QTMAN: variants seen among roughly 807,000 people sequenced by gnomAD.
QTMAN encodes queuosine-tRNA mannosyltransferase, also known as tRNA-queuosine alpha-mannosyltransferase.
the QTMAN span, among the ~76,000 whole-genome samples, chr2:144,266,729 AGCAATGATAACTCAG>A: frequency 1.3e-5 from 2 of 152,258 alleles, no homozygotes; most frequent in Non-Finnish European, 2.9e-5. Flanking sequence ...ACCCTTAACC[AGCAATGATAACTCAG>A]GCAAGTCACT....
At chr2:144,120,357 C>A in the QTMAN span, among the ~76,000 whole-genome samples, 1 of 152,112 alleles carries the variant, frequency 6.6e-6, no homozygotes, top group Non-Finnish European at 1.5e-5. Flanking sequence ...TCTGTATTAC[C>A]CTTTACTCTA....
chr2:144,082,050 G>A, the QTMAN span, among the ~76,000 whole-genome samples: 2 of 151,996 alleles, frequency 1.3e-5, no homozygotes, highest in Non-Finnish European at 2.9e-5. Context: ...ACCACACCTC[G>A]CTAATTTTTT....
the QTMAN span, among the ~76,000 whole-genome samples, chr2:144,021,159 A>C: frequency 2.0e-5 from 3 of 152,156 alleles, no homozygotes; most frequent in Non-Finnish European, 2.9e-5. Flanking sequence ...ATTCAATCCA[A>C]GTAGAATCAT....
At chr2:144,061,883 C>T in the QTMAN span, among the ~76,000 whole-genome samples, 8 of 152,150 alleles carry the variant, frequency 5.3e-5, no homozygotes, top group Admixed American at 3.9e-4. Flanking sequence ...GAGAGGAGTT[C>T]GACTGGGGAC....
chr2:144,073,732 T>C, the QTMAN span, among the ~76,000 whole-genome samples: 1 of 152,202 alleles, frequency 6.6e-6, no homozygotes, highest in Non-Finnish European at 1.5e-5. Flanking sequence ...AAAGTTAACA[T>C]ACAAAAAAGA....
the QTMAN span, among the ~76,000 whole-genome samples, chr2:144,152,167 G>A: frequency 6.6e-6 from 1 of 152,074 alleles, no homozygotes; most frequent in Non-Finnish European, 1.5e-5. Context: ...TTATCACGAT[G>A]GCCAGGAGAG....
At chr2:144,133,141 ATATATATATAATAT>A in the QTMAN span, among the ~76,000 whole-genome samples, 31 of 48,812 alleles carry the variant, frequency 6.4e-4, no homozygotes, top group Middle Eastern at 6.2e-3. Flanking sequence ...ATATATATAT[ATATATATATAATAT>A]AATATAATAT....
chr2:144,094,477 T>TC, the QTMAN span, among the ~76,000 whole-genome samples: 1 of 152,184 alleles, frequency 6.6e-6, no homozygotes. Flanking sequence ...GACTCACAGT[T>TC]CCACTTAACC....
chr2:144,106,463 C>T, the QTMAN span, among the ~76,000 whole-genome samples: 1 of 152,138 alleles, frequency 6.6e-6, no homozygotes, highest in Admixed American at 6.5e-5. Context: ...ATCCTAGTCT[C>T]TGATAAAACA....
the QTMAN span, among the ~76,000 whole-genome samples, chr2:144,107,560 G>C: frequency 6.6e-6 from 1 of 152,132 alleles, no homozygotes; most frequent in Non-Finnish European, 1.5e-5. Flanking sequence ...ACCAGAAGAA[G>C]TTGAATCTCT....
At chr2:144,183,246 C>T in the QTMAN span, among the ~76,000 whole-genome samples, 1 of 151,916 alleles carries the variant, frequency 6.6e-6, no homozygotes, top group Non-Finnish European at 1.5e-5. Flanking sequence ...TTTAAACCAA[C>T]TTTTAAAATT....
the QTMAN span, among the ~76,000 whole-genome samples, chr2:144,012,363 G>T: frequency 6.6e-6 from 1 of 152,118 alleles, no homozygotes. Flanking sequence ...TTTCATATCA[G>T]CCGGGAAAAG....
At chr2:144,175,094 A>C in the QTMAN span, among the ~76,000 whole-genome samples, 1 of 152,164 alleles carries the variant, frequency 6.6e-6, no homozygotes, top group African/African-American at 2.4e-5. Context: ...GAGTCTTTGG[A>C]TACAATTTAA....
At chr2:144,010,073 A>AG in the QTMAN span, among the ~76,000 whole-genome samples, 1 of 151,058 alleles carries the variant, frequency 6.6e-6, no homozygotes, top group South Asian at 2.1e-4. Context: ...AAAAAAAAAA[A>AG]AAAAAGAAAA....
the QTMAN span, among the ~76,000 whole-genome samples, chr2:143,987,916 G>T: frequency 6.6e-6 from 1 of 152,270 alleles, no homozygotes; most frequent in East Asian, 1.9e-4. Context: ...TCTGTGGGCT[G>T]GGAAAGGTGA....
chr2:144,249,250 G>T, the QTMAN span, among the ~76,000 whole-genome samples: 1 of 152,066 alleles, frequency 6.6e-6, no homozygotes, highest in African/African-American at 2.4e-5. Flanking sequence ...GTATGCAAAG[G>T]ATTAACTCTT....
chr2:144,273,724 C>T, the QTMAN span, among the ~76,000 whole-genome samples: 1,337 of 152,258 alleles, frequency 8.8e-3, 14 homozygotes, highest in African/African-American at 0.03. Context: ...AGAGGATTTA[C>T]TGAATTTAAA....
chr2:144,044,948 T>C, the QTMAN span, among the ~76,000 whole-genome samples: 3 of 152,254 alleles, frequency 2.0e-5, no homozygotes, highest in African/African-American at 2.4e-5. Context: ...AACACTTGCA[T>C]TGCATTTGTC....
At chr2:144,071,508 C>T in the QTMAN span, among the ~76,000 whole-genome samples, 1 of 152,128 alleles carries the variant, frequency 6.6e-6, no homozygotes, top group Non-Finnish European at 1.5e-5. Context: ...ACTCGCTTTT[C>T]TTTTCATGTA....
Sources: allele counts gnomAD v4.1 joint callset (sites outside exome capture counted in the v4.1 genomes callset), GRCh38; gene constraint gnomAD v4.1.1; transcripts MANE v1.5; gene names NCBI Gene and HGNC (gene_info 2026-07-23, HGNC 2026-07-21).